The following PITPNM3 variants were observed in gnomAD, a reference collection of about 807,000 sequenced individuals.
The protein encoded by PITPNM3 is membrane-associated phosphatidylinositol transfer protein 3.
A neutral mutation model predicts 102.0 loss-of-function variants in PITPNM3; 26 were observed. The ratio of observed to expected loss-of-function variants is 0.25; its 90% CI spans 0.19 to 0.35. The LOEUF is 0.35. PITPNM3 is among the 10% of genes least tolerant of loss of function. PITPNM3 has a pLI of 1.00. For missense variants in PITPNM3, 1,083 were observed against 1,346.1 expected (o/e 0.80, Z 3.06); for synonymous variants, 578 against 558.6 (o/e 1.03, Z -0.49).
At chr17:6,505,195 A>AAT (rs55839764) in intron 3 of PITPNM3, among the ~76,000 whole-genome samples, 57,995 of 136,180 alleles carry the variant, frequency 0.43, 12,697 homozygotes, top group Middle Eastern at 0.6. Flanking sequence ...AGACAAATAA[A>AAT]ATATATATAT....
Position 6,478,037 on chromosome 17 carries a change from C to T in PITPNM3, c.838G>A (p.Ala280Thr), listed in dbSNP as rs140298487. The change falls in exon 8 of 20, where the codon GCG becomes ACG. Residue 280 changes from alanine (A) to threonine (T), a missense_variant. Transcript: ENST00000262483. This position sits in a 1 kb window ranked among gnomAD's most constrained non-coding sequence, Gnocchi z 4.4. ...GCAGGGCTGTCCCCTGAGGGCCCCG[C>T]ACTGTAGCAGATGGCATCGAAGGCC... ...LLAFDAICYS[A>T]GPSGDSPASS... 831 of 1,613,752 alleles carry T rather than the reference C, an allele frequency of 5.1e-4. 8 individuals carry two copies. The South Asian group carries it at 7.7e-3, about 15-fold the overall frequency.
chr17:6,509,345 G>A (rs188262949), intron 3 of PITPNM3, among the ~76,000 whole-genome samples: 4 of 152,232 alleles, frequency 2.6e-5, no homozygotes, highest in Admixed American at 2.6e-4. Context: ...TTCTGAAACA[G>A]GAGAGCCTTC....
At chr17:6,477,250 T>C in intron 8 of PITPNM3, 37 bp from the exon 9 acceptor site, 1 of 1,603,156 alleles carries the variant, frequency 6.2e-7, no homozygotes, top group South Asian at 1.1e-5. Flanking sequence ...AGAAAAAGAC[T>C]GTTGTCACGG....
At chr17:6,502,788 G>A (rs1317357922) in intron 4 of PITPNM3, among the ~76,000 whole-genome samples, 3 of 152,144 alleles carry the variant, frequency 2.0e-5, no homozygotes, top group Non-Finnish European at 4.4e-5. Flanking sequence ...AAAGACATTT[G>A]GCCCAGACAT....
chr17:6,457,571 C>A lies in PITPNM3; in HGVS notation c.2619+23G>T, dbSNP rs753434190. 4 of 1,611,950 alleles carry A rather than the reference C, an allele frequency of 2.5e-6. No individual in the cohort carries two copies. Among genetic ancestry groups the A allele is most frequent in the South Asian group, 1.1e-5 (1 of 90,878 alleles). On this transcript the variant is annotated intron_variant, in intron 19 of 19. Coordinates refer to ENST00000262483, the MANE Select transcript of PITPNM3 (RefSeq NM_031220.4). This position sits in a 1 kb window ranked among gnomAD's most constrained non-coding sequence, Gnocchi z 4.7. ...CCCTGACCTCCCTCACAACTCCCCG[C>A]CTCCAGCCCCGCCTCCACCCACCTG...
intron 3 of PITPNM3, among the ~76,000 whole-genome samples, chr17:6,523,787 T>C (rs1044433642): frequency 1.3e-5 from 2 of 152,222 alleles, no homozygotes; most frequent in Non-Finnish European, 2.9e-5. Context: ...TGGATTGCCC[T>C]TGGGGGCCAG....
intron 2 of PITPNM3, among the ~76,000 whole-genome samples, chr17:6,530,795 T>C (rs1408980127): frequency 6.6e-6 from 1 of 152,194 alleles, no homozygotes; most frequent in Non-Finnish European, 1.5e-5. Context: ...GGGAGGGCTA[T>C]TTAGATGCTG....
rs762956394 is a variant in PITPNM3, at chr17:6,463,721, G to A, written c.2306+11C>T. 5 of 1,610,672 alleles carry A rather than the reference G, an allele frequency of 3.1e-6. No homozygotes were observed. In the South Asian group the frequency reaches 5.5e-5, roughly 18 times the overall value. On this transcript the variant is annotated intron_variant, in intron 17 of 19. Transcript: ENST00000262483. ...CAGGGAGATATAGCCCTCGTGGAAG[G>A]TGGCACTCACCGGACAACATCCACT...
chr17:6,538,010 T>A lies in PITPNM3; in HGVS notation c.95A>T (p.Asp32Val). ...NVLSDSVESS[D>V]DEFFDAREEM... ...ACCTCTGGCATCAAAGAATTCATCA[T>A]CTGAGCTCTCCACAGAGTCACTGAG... The change falls in exon 2 of 20, where the codon GAT becomes GTT. Residue 32 changes from aspartate to valine, a missense_variant. Around this residue, in one of 5 missense-constraint regions of PITPNM3, gnomAD observed 290 missense variants for 337.8 expected, o/e 0.86. Transcript: ENST00000262483. 6.2e-7 allele frequency: 1 copy of A among 1,613,802 alleles called. No individual in the cohort carries two copies. Among genetic ancestry groups the A allele is most frequent in the Non-Finnish European group, 8.5e-7 (1 of 1,179,766 alleles).
chr17:6,463,960 C>T (rs1414292008), intron 16 of PITPNM3, 79 bp from the exon 17 acceptor site: 1 of 1,585,420 alleles, frequency 6.3e-7, no homozygotes. Context: ...CCTGTAGCTG[C>T]AGTCAGAGCT....
At chr17:6,522,121 T>C (rs1419809553) in intron 3 of PITPNM3, among the ~76,000 whole-genome samples, 1 of 152,022 alleles carries the variant, frequency 6.6e-6, no homozygotes, top group Non-Finnish European at 1.5e-5. Flanking sequence ...TCAAGATTAG[T>C]GAAACACTCA....
chr17:6,551,367 A>T (rs1360145745), intron 1 of PITPNM3, among the ~76,000 whole-genome samples: 1 of 152,072 alleles, frequency 6.6e-6, no homozygotes, highest in Non-Finnish European at 1.5e-5. Context: ...ATCTCAAAAA[A>T]AAAAAAGAAA....
chr17:6,528,388 C>T (rs1908953216), intron 2 of PITPNM3, among the ~76,000 whole-genome samples: 1 of 152,116 alleles, frequency 6.6e-6, no homozygotes, highest in African/African-American at 2.4e-5. Context: ...ATCTCTCCAG[C>T]CCCCTGCTCC....
chr17:6,489,688 C>G (rs1906324724), intron 4 of PITPNM3, among the ~76,000 whole-genome samples: 1 of 152,090 alleles, frequency 6.6e-6, no homozygotes, highest in Admixed American at 6.6e-5. Flanking sequence ...TAGGCCCTTT[C>G]AGTCAAGCTC....
Position 6,478,398 on chromosome 17 carries a change from G to T in PITPNM3, c.777+149C>A, listed in dbSNP as rs534492317. 14 of 1,037,604 alleles carry T rather than the reference G, an allele frequency of 1.3e-5. No individual in the cohort carries two copies. Among genetic ancestry groups the T allele is most frequent in the Non-Finnish European group, 1.9e-5 (13 of 694,204 alleles). The allele number at this position is 1,037,604 out of a possible 1,614,324, so 64.3% of individuals were successfully genotyped here. On this transcript the variant is annotated intron_variant, in intron 7 of 19. Transcript: ENST00000262483. This position sits in a 1 kb window ranked among gnomAD's most constrained non-coding sequence, Gnocchi z 4.4. ...CTGTTTTTCTATCTGTAAAATGAGGGCTAACTCAGAGATCTCAAAAGCCAC... is the reference window on the plus strand; with the variant it reads ...CTGTTTTTCTATCTGTAAAATGAGGTCTAACTCAGAGATCTCAAAAGCCAC...
chr17:6,502,891 C>G lies in PITPNM3; in HGVS notation c.274+636G>C, dbSNP rs1160407674. ...CATCTCGACCAGGTCTTTCCCAGGT[C>G]CAATGCTGTGCTCATCTCTCTGAGA... On this transcript the variant is annotated intron_variant, in intron 4 of 19. Transcript: ENST00000262483. Among the ~76,000 whole-genome samples the G allele has an allele frequency of 2.6e-5, 4 of 152,064 alleles. No homozygotes were observed. In the East Asian group the frequency reaches 7.7e-4, roughly 29 times the overall value.
intron 6 of PITPNM3, among the ~76,000 whole-genome samples, chr17:6,482,054 C>G (rs941837300): frequency 1.0e-4 from 11 of 110,526 alleles, no homozygotes; most frequent in Non-Finnish European, 2.0e-4. Flanking sequence ...CTCTCTCTCT[C>G]TCTCTCTCTC....
intron 3 of PITPNM3, among the ~76,000 whole-genome samples, chr17:6,510,863 G>A (rs1907827389): frequency 6.6e-6 from 1 of 152,250 alleles, no homozygotes; most frequent in Non-Finnish European, 1.5e-5. Flanking sequence ...AGCTAGAGAT[G>A]AAGTCAGGGG....
intron 3 of PITPNM3, among the ~76,000 whole-genome samples, chr17:6,520,188 G>A (rs573277412): frequency 6.6e-6 from 1 of 152,330 alleles, no homozygotes; most frequent in East Asian, 1.9e-4. Flanking sequence ...TACATAAAAT[G>A]TTGAAGTTTG....
Sources: gnomAD v4.1 joint callset for allele counts (sites outside exome capture counted in the v4.1 genomes callset) on GRCh38, gnomAD v4.1.1 for gene constraint, gnomAD v4.1.1 regional missense constraint, Gnocchi (gnomAD v3.1) non-coding constraint, MANE v1.5 for transcripts, NCBI Gene and HGNC (gene_info 2026-07-23, HGNC 2026-07-21) for gene names.